Variants in ENPP5 observed in about 807,000 individuals in gnomAD.
ENPP5 encodes ectonucleotide pyrophosphatase/phosphodiesterase family member 5, also known as E-NPP 5.
ENPP5 carries 27 observed loss-of-function variants against 33.7 expected under a neutral mutation model. That is an observed-to-expected ratio of 0.80 (90% CI 0.59 to 1.11). ENPP5 has a LOEUF of 1.11. ENPP5 is among the 50% of genes least tolerant of loss of function. The pLI is 0.00. For missense variants in ENPP5, 552 were observed against 579.2 expected (o/e 0.95, Z 0.48); for synonymous variants, 199 against 200.5 (o/e 0.99, Z 0.06).
intron 3 of ENPP5, among the ~76,000 whole-genome samples, chr6:46,166,801 A>C (rs573752077): frequency 2.8e-4 from 42 of 152,306 alleles, no homozygotes; most frequent in African/African-American, 9.1e-4. Flanking sequence ...AGCATGTCTG[A>C]GTCATGTTGT....
chr6:46,164,519 A>G (rs1330410429), intron 4 of ENPP5, among the ~76,000 whole-genome samples: 1 of 152,162 alleles, frequency 6.6e-6, no homozygotes, highest in Non-Finnish European at 1.5e-5. Flanking sequence ...TTTTCTATCA[A>G]AAATAGAGGT....
rs559716372 is a variant in ENPP5, at chr6:46,170,969, C to T, written c.-259G>A. On this transcript the variant is annotated 5_prime_UTR_variant, in exon 1 of 5. The change creates a new upstream start codon in the 5' untranslated region. Coordinates refer to ENST00000371383, the MANE Select transcript of ENPP5 (RefSeq NM_001290072.2). ...CTGCGCTCAACTCTGGAGCGGAGCA[C>T]CTGACCGCGCCGCTTCCCCGCCCCG... The T allele has an allele frequency of 6.6e-6, 1 of 152,500 alleles. No individual in the cohort carries two copies. Among genetic ancestry groups the T allele is most frequent in the South Asian group, 2.1e-4 (1 of 4,828 alleles). 9.4% of individuals were successfully genotyped at this position (152,500 alleles called of 1,614,324 possible). A position where few individuals can be genotyped will look rare whatever the true frequency, so the allele number is the denominator to read the frequency against.
chr6:46,167,384 G>A (rs1764578547), intron 3 of ENPP5, 50 bp downstream of exon 3: 1 of 1,222,190 alleles, frequency 8.2e-7, no homozygotes, highest in African/African-American at 1.5e-5. Flanking sequence ...TGATCACACT[G>A]GGCAAATGCA....
Position 46,161,089 on chromosome 6 carries a change from T to C in ENPP5, c.*237A>G. The C allele has an allele frequency of 4.1e-6, 2 of 490,008 alleles. No individual in the cohort carries two copies. The highest frequency in any genetic ancestry group is 7.4e-6 in the Non-Finnish European group (2 of 271,848). The allele number at this position is 490,008 out of a possible 1,614,324, so 30.4% of individuals were successfully genotyped here. ...TCCAAATAAAGCAGGATCTTATCTA[T>C]CCCTATGCTACAGTGAACAATGGAG... On this transcript the variant is annotated 3_prime_UTR_variant, in exon 5 of 5. Coordinates refer to ENST00000371383, the MANE Select transcript of ENPP5 (RefSeq NM_001290072.2).
In ENPP5 at chr6:46,169,416, G is replaced by A. The variant is rs544691256; in HGVS notation, c.-36+637C>T. ...CTTCTTTTTTTTTTTTTTTTGAGAG[G>A]GAGTCTCACTCTGTTGCCCAAGCTG... On this transcript the variant is annotated intron_variant, in intron 2 of 4. Coordinates refer to ENST00000371383, the MANE Select transcript of ENPP5 (RefSeq NM_001290072.2). Among the ~76,000 whole-genome samples the A allele has an allele frequency of 2.7e-5, 4 of 149,498 alleles. No homozygotes were observed. The South Asian group carries it at 8.5e-4, about 32-fold the overall frequency.
intron 2 of ENPP5, 116 bp from the exon 3 acceptor site, chr6:46,168,413 A>T (rs1283393393): frequency 2.0e-6 from 1 of 498,964 alleles, no homozygotes. Flanking sequence ...ACAGCCTGGA[A>T]GAATTATGTC....
chr6:46,167,856 G>T lies in ENPP5; in HGVS notation c.407C>A (p.Ala136Glu). 1.2e-6 allele frequency: 2 copies of T among 1,614,188 alleles called. No homozygotes were observed. The highest frequency in any genetic ancestry group is 1.7e-6 in the Non-Finnish European group (2 of 1,180,032). ...TNQRAGHTSG[A>E]AMWPGTDVKI... The stretch of plus-strand genomic sequence containing the variant: ...TACATCTGTTCCGGGCCACATGGCT[G>T]CACCACTAGTATGTCCTGCCCTCTG... The change falls in exon 3 of 5, where the codon GCA (alanine) becomes GAA (glutamate). Residue 136 changes from alanine (A) to glutamate (E), a missense_variant. Coordinates refer to ENST00000371383, the MANE Select transcript of ENPP5 (RefSeq NM_001290072.2).
rs1562071965 is a variant in ENPP5, at chr6:46,168,084, T to A, written c.179A>T (p.His60Leu). 1 of 1,614,074 alleles carries A rather than the reference T, an allele frequency of 6.2e-7. No homozygotes were observed. Among genetic ancestry groups the A allele is most frequent in the Admixed American group, 1.7e-5 (1 of 60,016 alleles). ...HFHYIMKYGVHVKQVTNVFIT... is the reference protein window; with the variant it reads ...HFHYIMKYGVLVKQVTNVFIT... ...AAAAACATTAGTAACTTGCTTCACG[T>A]GAACACCATATTTCATAATATAATG... Residue 60 changes from histidine (H) to leucine (L), a missense_variant, in exon 3 of 5, where the codon CAC (histidine) becomes CTC (leucine). Transcript: ENST00000371383.
intron 4 of ENPP5, among the ~76,000 whole-genome samples, chr6:46,163,937 A>C (rs1231170670): frequency 1.3e-5 from 2 of 152,194 alleles, no homozygotes; most frequent in Non-Finnish European, 2.9e-5. Context: ...CCTTATACAA[A>C]AATCAATTCA....
intron 3 of ENPP5, 60 bp from the exon 4 acceptor site, chr6:46,165,623 G>T: frequency 2.3e-6 from 3 of 1,282,986 alleles, no homozygotes; most frequent in Non-Finnish European, 2.1e-6. Context: ...ATCAGCCATG[G>T]GCAACAGACT....
chr6:46,167,947 A>C lies in ENPP5; in HGVS notation c.316T>G (p.Leu106Val). The change falls in exon 3 of 5, where the codon TTG becomes GTG. Residue 106 changes from leucine (L) to valine (V), a missense_variant. By Grantham distance (32) the Leu-to-Val change is conservative (BLOSUM62 1). Coordinates refer to ENST00000371383, the MANE Select transcript of ENPP5 (RefSeq NM_001290072.2). ...FDPIRNKSFSLDHMNIYDSKF... is the reference protein window; with the variant it reads ...FDPIRNKSFSVDHMNIYDSKF... ...GAATCATAAATATTCATGTGATCCA[A>C]GGAGAAAGATTTGTTCCGAATAGGA... 6.2e-7 allele frequency: 1 copy of C among 1,614,256 alleles called. No individual in the cohort carries two copies. Among genetic ancestry groups the C allele is most frequent in the Non-Finnish European group, 8.5e-7 (1 of 1,180,052 alleles).
intron 4 of ENPP5, among the ~76,000 whole-genome samples, chr6:46,163,320 C>G (rs558093978): frequency 1.3e-5 from 2 of 150,356 alleles, no homozygotes; most frequent in Non-Finnish European, 3.0e-5. Flanking sequence ...CACCCACTAA[C>G]TCGTCATCTA....
chr6:46,160,206 G>T lies in ENPP5; in HGVS notation c.*1120C>A, dbSNP rs1227411279. ...GTATGCACACTTTACCACTGTTCTG[G>T]GTGTCTTGTAAACATCTCACATGTG... On this transcript the variant is annotated 3_prime_UTR_variant, in exon 5 of 5. Coordinates refer to ENST00000371383, the MANE Select transcript of ENPP5 (RefSeq NM_001290072.2). The T allele has an allele frequency of 6.6e-6, 1 of 151,880 alleles. No homozygotes were observed. The highest frequency in any genetic ancestry group is 1.5e-5 in the Non-Finnish European group (1 of 67,970). 9.4% of individuals were successfully genotyped at this position (151,880 alleles called of 1,614,324 possible).
At chr6:46,165,256 T>A in intron 4 of ENPP5, 131 bp downstream of exon 4, 2 of 690,478 alleles carry the variant, frequency 2.9e-6, no homozygotes, top group African/African-American at 1.8e-5. Context: ...TACGAAAACA[T>A]TGTAGTTCCT....
At chr6:46,165,158 T>C (rs551837863) in intron 4 of ENPP5, 3 of 398,622 alleles carry the variant, frequency 7.5e-6, no homozygotes, top group East Asian at 8.5e-5. Context: ...ATAAACATGA[T>C]AGAAACCCAA....
chr6:46,164,619 A>G (rs1764480782), intron 4 of ENPP5, among the ~76,000 whole-genome samples: 1 of 152,208 alleles, frequency 6.6e-6, no homozygotes, highest in Admixed American at 6.5e-5. Flanking sequence ...ATCTTGCCAA[A>G]GATAGCAGTC....
At chr6:46,164,743 CTT>C (rs747451127) in intron 4 of ENPP5, among the ~76,000 whole-genome samples, 6 of 125,816 alleles carry the variant, frequency 4.8e-5, no homozygotes, top group Non-Finnish European at 1.7e-5. Flanking sequence ...TTTTTTTTTG[CTT>C]TTTTTTTTTT....
intron 1 of ENPP5, 75 bp from the exon 2 acceptor site, chr6:46,170,189 A>G (rs1764694289): frequency 6.6e-6 from 1 of 152,220 alleles, no homozygotes; most frequent in Admixed American, 6.5e-5. Flanking sequence ...AACTACATGG[A>G]ACACCTCATT....
chr6:46,170,204 T>A (rs2127500291), intron 1 of ENPP5, 90 bp from the exon 2 acceptor site: 1 of 152,308 alleles, frequency 6.6e-6, no homozygotes, highest in South Asian at 2.1e-4. Context: ...CTCATTTTCA[T>A]CTATCTTAGC....
Sources: allele counts gnomAD v4.1 joint callset (sites outside exome capture counted in the v4.1 genomes callset), GRCh38; gene constraint gnomAD v4.1.1; transcripts MANE v1.5; gene names NCBI Gene and HGNC (gene_info 2026-07-23, HGNC 2026-07-21).